MUCL1: variants seen among roughly 807,000 people sequenced by gnomAD.
MUCL1 encodes mucin-like protein 1.
MUCL1 carries 11 observed loss-of-function variants against 9.2 expected under a neutral mutation model. The ratio of observed to expected loss-of-function variants is 1.19; its 90% CI spans 0.75 to 1.97. The LOEUF (loss-of-function observed/expected upper bound fraction) is 1.97, where lower values mean the gene tolerates loss of function less well. MUCL1 is among the 30% of genes most tolerant of loss of function. The probability of loss-of-function intolerance (pLI) is 0.00; values close to 1 mark genes in which losing one functional copy is unlikely to be tolerated. For synonymous variants in MUCL1, 48 were observed against 40.5 expected, an observed-to-expected ratio of 1.19 and a Z score of -0.71; for missense variants, 144 against 110.9, an observed-to-expected ratio of 1.30 and a Z score of -1.34.
intron 1 of MUCL1, among the ~76,000 whole-genome samples, chr12:54,840,797 G>A (rs941421703): frequency 6.6e-6 from 1 of 152,162 alleles, no homozygotes; most frequent in Non-Finnish European, 1.5e-5. Context: ...CATGGGGAGT[G>A]GGGAGTAGCA....
chr12:54,831,656 TA>T (rs1369470943), intron 1 of MUCL1, among the ~76,000 whole-genome samples: 4 of 152,130 alleles, frequency 2.6e-5, no homozygotes, highest in Non-Finnish European at 5.9e-5. Context: ...CCAAATAAGA[TA>T]AAATACTGAA....
chr12:54,834,603 T>A (rs1468498514), upstream of MUCL1, among the ~76,000 whole-genome samples: 1 of 152,090 alleles, frequency 6.6e-6, no homozygotes, highest in Admixed American at 6.6e-5. Context: ...TTACTATTTT[T>A]TGTGGTGAGA....
chr12:54,853,746 G>A (rs532495093), upstream of MUCL1, among the ~76,000 whole-genome samples: 4 of 151,914 alleles, frequency 2.6e-5, no homozygotes, highest in South Asian at 6.2e-4. Context: ...ATGAATTCCT[G>A]CAAAACCATG....
At chr12:54,837,763 C>A (rs1229335415), upstream of MUCL1, among the ~76,000 whole-genome samples, 3 of 151,776 alleles carry the variant, frequency 2.0e-5, no homozygotes, top group Non-Finnish European at 2.9e-5. Context: ...AGTGAGACTC[C>A]GTCTCCAAAA....
chr12:54,839,756 A>G (rs79182472), intron 1 of MUCL1, among the ~76,000 whole-genome samples: 4,655 of 152,142 alleles, frequency 0.031, 247 homozygotes, highest in African/African-American at 0.11. Context: ...GGATGTAGTC[A>G]CCCTGAAGTG....
At chr12:54,844,338 T>A (rs145342743) in intron 1 of MUCL1, among the ~76,000 whole-genome samples, 1 of 152,202 alleles carries the variant, frequency 6.6e-6, no homozygotes. Context: ...TAGATTTTTT[T>A]TGATGCCCTA....
chr12:54,849,964 T>G (rs904999323), upstream of MUCL1, among the ~76,000 whole-genome samples: 5 of 152,208 alleles, frequency 3.3e-5, no homozygotes, highest in Non-Finnish European at 5.9e-5. Context: ...GGCCACTGGT[T>G]GCAGATTGTC....
At chr12:54,845,740 T>A (rs959431530) in intron 1 of MUCL1, among the ~76,000 whole-genome samples, 7 of 152,190 alleles carry the variant, frequency 4.6e-5, no homozygotes, top group Non-Finnish European at 8.8e-5. Flanking sequence ...GGACTGGTTC[T>A]GCTGTTATAA....
At chr12:54,855,253 GT>G in intron 2 of MUCL1, 96 bp downstream of exon 2, 3 of 1,105,660 alleles carry the variant, frequency 2.7e-6, no homozygotes, top group Non-Finnish European at 4.1e-6. Flanking sequence ...GATAGTCTTT[GT>G]TATAAGGAAT....
chr12:54,839,235 T>G (rs1406680835), upstream of MUCL1: 1 of 617,808 alleles, frequency 1.6e-6, no homozygotes, highest in African/African-American at 1.8e-5. Flanking sequence ...AGTGGCTTAC[T>G]CAGCTACTGG....
intron 1 of MUCL1, among the ~76,000 whole-genome samples, chr12:54,846,085 T>G (rs1959249922): frequency 6.6e-6 from 1 of 152,166 alleles, no homozygotes; most frequent in Admixed American, 6.5e-5. Flanking sequence ...AGCCCATATG[T>G]GATCCAGTTT....
chr12:54,848,572 C>T (rs879566515), intron 1 of MUCL1, among the ~76,000 whole-genome samples: 7 of 151,910 alleles, frequency 4.6e-5, no homozygotes, highest in Non-Finnish European at 1.0e-4. Context: ...GTTAATATTT[C>T]GTATATACTC....
chr12:54,837,418 T>C (rs1037473869), upstream of MUCL1, among the ~76,000 whole-genome samples: 3 of 152,140 alleles, frequency 2.0e-5, no homozygotes, highest in Non-Finnish European at 4.4e-5. Context: ...CTGCTTGCTT[T>C]TGGTTTCCAT....
At chr12:54,840,545 T>C (rs916279768) in intron 1 of MUCL1, among the ~76,000 whole-genome samples, 1 of 152,202 alleles carries the variant, frequency 6.6e-6, no homozygotes, top group African/African-American at 2.4e-5. Context: ...GGAGGTACTC[T>C]AGTGCCTCAG....
intron 1 of MUCL1, among the ~76,000 whole-genome samples, chr12:54,841,010 T>A (rs1959208951): frequency 6.6e-6 from 1 of 152,236 alleles, no homozygotes; most frequent in Non-Finnish European, 1.5e-5. Context: ...GTGTCCCTGG[T>A]ATCCACCATT....
At chr12:54,846,007 G>C (rs1959248374) in intron 1 of MUCL1, among the ~76,000 whole-genome samples, 1 of 152,004 alleles carries the variant, frequency 6.6e-6, no homozygotes. Flanking sequence ...AAAAAAACTT[G>C]TAGCTTTTTT....
At chr12:54,834,175 A>G (rs1959189270) in intron 1 of MUCL1, among the ~76,000 whole-genome samples, 1 of 152,058 alleles carries the variant, frequency 6.6e-6, no homozygotes, top group South Asian at 2.1e-4. Flanking sequence ...TTATTTTTCT[A>G]TATTCTCTTT....
At chr12:54,837,950 AAGT>A (rs1168221199), upstream of MUCL1, among the ~76,000 whole-genome samples, 2 of 152,200 alleles carry the variant, frequency 1.3e-5, no homozygotes, top group African/African-American at 4.8e-5. Context: ...TTGAGACATG[AAGT>A]AGTAGTTTCA....
At chr12:54,837,786 A>G (rs1157484275), upstream of MUCL1, among the ~76,000 whole-genome samples, 1 of 151,666 alleles carries the variant, frequency 6.6e-6, no homozygotes, top group Non-Finnish European at 1.5e-5. Flanking sequence ...ACAAAAACAA[A>G]AACAAAAAAA....
Sources: gnomAD v4.1 joint callset for allele counts (sites outside exome capture counted in the v4.1 genomes callset) on GRCh38, gnomAD v4.1.1 for gene constraint, MANE v1.5 for transcripts, NCBI Gene and HGNC (gene_info 2026-07-23, HGNC 2026-07-21) for gene names.